PBX1: variants seen among roughly 807,000 people sequenced by gnomAD.
PBX1 encodes pre-B-cell leukemia transcription factor 1.
PBX1 carries 6 observed loss-of-function variants against 53.4 expected under a neutral mutation model. The observed-to-expected ratio is 0.11, with a 90% CI of 0.06 to 0.22. PBX1 has a LOEUF of 0.22. Ranked by LOEUF, PBX1 falls within the 10% of genes least tolerant of loss-of-function variation. The pLI is 1.00. For synonymous variants in PBX1, 204 were observed against 212.3 expected (o/e 0.96, Z 0.34); for missense variants, 251 against 551.4 (o/e 0.46, Z 5.46).
chr1:164,718,910 A>G (rs1157975533), intron 2 of PBX1, among the ~76,000 whole-genome samples: 2 of 152,092 alleles, frequency 1.3e-5, no homozygotes, highest in East Asian at 1.9e-4. Context: ...TTGTTTTCCT[A>G]TTTTTCTAGT....
chr1:164,760,048 G>A (rs1303550941), intron 2 of PBX1, among the ~76,000 whole-genome samples: 1 of 152,196 alleles, frequency 6.6e-6, no homozygotes, highest in East Asian at 1.9e-4. Flanking sequence ...GTCTCCGTGT[G>A]TCTGTAAAAG....
rs535767457 is a variant in PBX1 at position 164,630,158 on chromosome 1, G to A, written c.265+66847G>A. The stretch of plus-strand genomic sequence containing the variant: ...GCTCGTGGGACAGTACGTGGCTGAC[G>A]TTGTGGTTTTCACTGGGCAAAATAA... On this transcript the variant is annotated intron_variant, in intron 2 of 8. Coordinates refer to ENST00000420696, the MANE Select transcript of PBX1 (RefSeq NM_002585.4). Among the ~76,000 whole-genome samples, 7 of 152,156 alleles carry A rather than the reference G, an allele frequency of 4.6e-5. No individual in the cohort carries two copies. The East Asian group carries it at 5.8e-4, about 13-fold the overall frequency.
At chr1:164,866,254 C>A (rs2102448166) in intron 2 of PBX1, among the ~76,000 whole-genome samples, 1 of 152,326 alleles carries the variant, frequency 6.6e-6, no homozygotes, top group Middle Eastern at 3.4e-3. Context: ...TTGGGTGAAG[C>A]AGATGACACA....
intron 2 of PBX1, among the ~76,000 whole-genome samples, chr1:164,777,346 C>T (rs1356596353): frequency 1.3e-5 from 2 of 152,146 alleles, no homozygotes; most frequent in Non-Finnish European, 2.9e-5. Flanking sequence ...TCGCTTGAAC[C>T]CGGGAGGCGG....
At position 164,766,180 on chromosome 1, in the gene PBX1, G is replaced by T. The variant is rs1017793269; in HGVS notation, c.266-26314G>T. 2.6e-5 allele frequency among the ~76,000 whole-genome samples: 4 copies of T among 152,208 alleles called. No individual in the cohort carries two copies. The East Asian group carries it at 5.8e-4, about 22-fold the overall frequency. On this transcript the variant is annotated intron_variant, in intron 2 of 8. Transcript: ENST00000420696. ...ACAAAATCCAGAAGCTGAGAAGGGG[G>T]AGATTAGTATATGCTAGGGTGAAGG... is the stretch of plus-strand genomic sequence containing the variant.
chr1:164,750,464 A>G (rs1256468707), intron 2 of PBX1, among the ~76,000 whole-genome samples: 1 of 149,980 alleles, frequency 6.7e-6, no homozygotes, highest in East Asian at 1.9e-4. Context: ...ATTCTCAATC[A>G]GAGCTTAAAA....
intron 2 of PBX1, chr1:164,683,994 T>A (rs532486942): frequency 6.6e-6 from 1 of 152,228 alleles, no homozygotes; most frequent in African/African-American, 2.4e-5. Context: ...TTTTAGATTT[T>A]CATAGAGATG....
intron 2 of PBX1, among the ~76,000 whole-genome samples, chr1:164,788,300 C>T (rs902956907): frequency 6.6e-6 from 1 of 152,124 alleles, no homozygotes; most frequent in African/African-American, 2.4e-5. Context: ...CTCCTACTCA[C>T]CAGAGTACTG....
At position 164,833,154 on chromosome 1, in the gene PBX1, G is replaced by A. The variant is rs540295929; in HGVS notation, c.1200+11528G>A. ...TGGGGTAAGCAAAAAAAAGTTCAGA[G>A]AAGGGAAAGCCAGGCATCAGGGCAA... On this transcript the variant is annotated intron_variant, in intron 8 of 8. Transcript: ENST00000420696. Among the ~76,000 whole-genome samples, 60 of 151,758 alleles carry A rather than the reference G, an allele frequency of 4.0e-4. 1 individual carries two copies. Among genetic ancestry groups the A allele is most frequent in the Admixed American group, 1.9e-3 (29 of 15,254 alleles).
intron 2 of PBX1, among the ~76,000 whole-genome samples, chr1:164,635,296 A>G (rs1658684506): frequency 6.6e-6 from 1 of 151,842 alleles, no homozygotes; most frequent in Non-Finnish European, 1.5e-5. Context: ...CACCGCTGCC[A>G]CCATGGTATC....
chr1:164,796,307 G>A (rs752740974), intron 3 of PBX1, among the ~76,000 whole-genome samples: 3 of 152,046 alleles, frequency 2.0e-5, no homozygotes, highest in Admixed American at 1.3e-4. Context: ...CGTGCCTGGC[G>A]CTATAAGGTA....
At chr1:164,808,376 C>T (rs373198028) in intron 5 of PBX1, among the ~76,000 whole-genome samples, 7 of 152,184 alleles carry the variant, frequency 4.6e-5, no homozygotes, top group Non-Finnish European at 1.0e-4. Flanking sequence ...ATTTTGTCCA[C>T]TCAAAAGATC....
Position 164,863,847 on chromosome 1 carries a change from G to A in PBX1, n.257+32364G>A, listed in dbSNP as rs180833113. ...CGAGAAGGGAGGACCACATGAGGTGGCATGTTTTCACTCATTTTTCATGCC... is the reference window on the plus strand; with the variant it reads ...CGAGAAGGGAGGACCACATGAGGTGACATGTTTTCACTCATTTTTCATGCC... On this transcript the variant is annotated intron_variant and non_coding_transcript_variant, in intron 2 of 2. Transcript: ENST00000558796. Among the ~76,000 whole-genome samples the A allele has an allele frequency of 4.0e-3, 613 of 152,250 alleles. 6 individuals are homozygous for A. Among genetic ancestry groups the A allele is most frequent in the Middle Eastern group, 0.017 (5 of 294 alleles).
At chr1:164,616,236 G>A (rs983457654) in intron 2 of PBX1, among the ~76,000 whole-genome samples, 3 of 152,038 alleles carry the variant, frequency 2.0e-5, no homozygotes, top group Admixed American at 6.6e-5. Flanking sequence ...AGCCACCAGC[G>A]TCTAGGCCAG....
At chr1:164,885,216 A>G (rs1466540985) in intron 2 of PBX1, among the ~76,000 whole-genome samples, 2 of 152,344 alleles carry the variant, frequency 1.3e-5, no homozygotes, top group Middle Eastern at 3.4e-3. Context: ...TCTGTGCTCC[A>G]TAACTATCCC....
At chr1:164,761,665 G>A (rs1321748319) in intron 2 of PBX1, among the ~76,000 whole-genome samples, 1 of 152,104 alleles carries the variant, frequency 6.6e-6, no homozygotes, top group Non-Finnish European at 1.5e-5. Context: ...GGATGGTCTC[G>A]ATCTCCTGAC....
intron 8 of PBX1, among the ~76,000 whole-genome samples, chr1:164,835,371 C>T (rs1159285590): frequency 2.2e-4 from 33 of 151,824 alleles, no homozygotes. Context: ...AAAGGGTATG[C>T]ATAAGTTTAC....
chr1:164,804,464 A>G (rs1187530166), intron 4 of PBX1, among the ~76,000 whole-genome samples: 1 of 152,208 alleles, frequency 6.6e-6, no homozygotes, highest in African/African-American at 2.4e-5. Flanking sequence ...AAATAAATAA[A>G]CATTTAAAAA....
chr1:164,626,241 A>G (rs1483553587), intron 2 of PBX1: 1 of 403,764 alleles, frequency 2.5e-6, no homozygotes, highest in African/African-American at 2.2e-5. Context: ...GAAATACGGT[A>G]TTTGGAAATC....
Sources: gnomAD v4.1 joint callset for allele counts (sites outside exome capture counted in the v4.1 genomes callset) on GRCh38, gnomAD v4.1.1 for gene constraint, MANE v1.5 for transcripts, NCBI Gene and HGNC (gene_info 2026-07-23, HGNC 2026-07-21) for gene names.